Variants in PSD2 observed in about 807,000 individuals in gnomAD.
The protein encoded by PSD2 is PH and SEC7 domain-containing protein 2.
In PSD2, 38 loss-of-function variants were observed where a neutral mutation model predicts 69.8. The ratio of observed to expected loss-of-function variants is 0.54; its 90% confidence interval spans 0.42 to 0.71. The LOEUF is 0.71. Among genes scored for constraint, PSD2 ranks in the 30% least tolerant of loss-of-function variants. The pLI, the probability that PSD2 is intolerant of heterozygous loss-of-function variation, is 0.00. For synonymous variants in PSD2, 412 were observed against 423.0 expected, an observed-to-expected ratio of 0.97 and a Z score of 0.32; for missense variants, 943 against 1,014.5, an observed-to-expected ratio of 0.93 and a Z score of 0.96.
At chr5:139,792,809 TTTCCTTCCTTCCCTTCC>T (rs1306119736), upstream of PSD2, among the ~76,000 whole-genome samples, 1 of 150,104 alleles carries the variant, frequency 6.7e-6, no homozygotes, top group African/African-American at 2.5e-5. Flanking sequence ...CTCTCTCTCT[TTTCCTTCCTTCCCTTCC>T]TTCCTTCCTT....
the PSD2 span, among the ~76,000 whole-genome samples, chr5:139,758,762 A>G: frequency 1.6e-4 from 25 of 152,244 alleles, no homozygotes; most frequent in Non-Finnish European, 3.1e-4. Context: ...CAGGGATTCC[A>G]TGCTTCCTCC....
intron 14 of PSD2, among the ~76,000 whole-genome samples, chr5:139,840,987 TCCA>T (rs961181214): frequency 2.2e-4 from 33 of 152,340 alleles, no homozygotes; most frequent in African/African-American, 7.0e-4. Flanking sequence ...GTAACCAATC[TCCA>T]CAATTCTTTC....
intron 1 of PSD2, among the ~76,000 whole-genome samples, chr5:139,801,658 C>T (rs1420251204): frequency 8.5e-5 from 13 of 152,122 alleles, no homozygotes; most frequent in Non-Finnish European, 1.2e-4. Context: ...CTATGTACTG[C>T]CAGCCCCCAA....
rs757482373 is a variant in PSD2, at chr5:139,814,161, C to T, written c.822-9C>T. On this transcript the variant is annotated splice_polypyrimidine_tract_variant and intron_variant, in intron 3 of 14. Transcript: ENST00000274710. This position sits in a 1 kb window ranked among gnomAD's most constrained non-coding sequence, Gnocchi z 4.4. ...TGACGCTACTCTTCCACCCACCTTC[C>T]ATCTGCAGTGACCCCAGCCTGAAGG... The T allele has an allele frequency of 6.2e-7, 1 of 1,611,600 alleles. No individual in the cohort carries two copies. The highest frequency in any genetic ancestry group is 8.5e-7 in the Non-Finnish European group (1 of 1,179,008).
In PSD2 at chr5:139,814,102, C is replaced by T; in HGVS notation, c.822-68C>T. 6.6e-7 allele frequency: 1 copy of T among 1,524,556 alleles called. No homozygotes were observed. The highest frequency in any genetic ancestry group is 1.2e-5 in the South Asian group (1 of 84,374). The allele number at this position is 1,524,556 out of a possible 1,614,324, so 94.4% of individuals were successfully genotyped here. On this transcript the variant is annotated intron_variant, in intron 3 of 14. Transcript: ENST00000274710. The surrounding 1 kb of genome is among the most constrained non-coding windows in gnomAD (Gnocchi z 4.4). ...GTTTGCAGTGGCCTGGGGAAACCTC[C>T]CAGCCTCCTCTGGGGCCTTTGACCC...
intron 7 of PSD2, among the ~76,000 whole-genome samples, chr5:139,830,620 T>TTC (rs1191417005): frequency 0.022 from 1,905 of 85,346 alleles, 81 homozygotes; most frequent in African/African-American, 0.095. Flanking sequence ...CTTTCTTTCT[T>TTC]TCTTTCTCTT....
intron 4 of PSD2, among the ~76,000 whole-genome samples, chr5:139,815,995 T>TAA (rs768724760): frequency 0.22 from 19,986 of 91,842 alleles, 1,957 homozygotes; most frequent in South Asian, 0.24. Context: ...CTCCATATAT[T>TAA]AAAAAAAAAA....
At chr5:139,822,486 G>A (rs1022140738) in intron 6 of PSD2, among the ~76,000 whole-genome samples, 1 of 152,226 alleles carries the variant, frequency 6.6e-6, no homozygotes, top group African/African-American at 2.4e-5. Flanking sequence ...TTTGGCCACA[G>A]GAGGCAGGAG....
intron 7 of PSD2, among the ~76,000 whole-genome samples, chr5:139,828,744 G>A (rs1760495234): frequency 6.6e-6 from 1 of 152,176 alleles, no homozygotes; most frequent in Non-Finnish European, 1.5e-5. Flanking sequence ...TCAGACTTGT[G>A]GGAAAAGGCC....
intron 12 of PSD2, 105 bp from the exon 13 acceptor site, chr5:139,838,523 C>G: frequency 1.6e-6 from 2 of 1,263,252 alleles, no homozygotes; most frequent in East Asian, 4.7e-5. Context: ...TCTAGAGGTA[C>G]TGGTGCCTTC....
chr5:139,835,407 G>C (rs1010516418), intron 8 of PSD2, among the ~76,000 whole-genome samples: 1 of 152,024 alleles, frequency 6.6e-6, no homozygotes, highest in Non-Finnish European at 1.5e-5. Context: ...TTACCCTGTC[G>C]AGCACTTGCT....
chr5:139,766,924 CCTTCCCTT>C, the PSD2 span, among the ~76,000 whole-genome samples: 1,852 of 33,094 alleles, frequency 0.056, 143 homozygotes, highest in South Asian at 0.09. Context: ...TTCCTTCCTT[CCTTCCCTT>C]CTTTCTTTCT....
At chr5:139,801,969 G>C (rs1272649529) in intron 1 of PSD2, among the ~76,000 whole-genome samples, 1 of 152,218 alleles carries the variant, frequency 6.6e-6, no homozygotes, top group Non-Finnish European at 1.5e-5. Context: ...ATGGGCAAGA[G>C]AGGAGGTGAC....
At chr5:139,752,849 C>T in the PSD2 span, among the ~76,000 whole-genome samples, 7 of 152,202 alleles carry the variant, frequency 4.6e-5, no homozygotes, top group Non-Finnish European at 7.3e-5. Flanking sequence ...CTAATTGAGT[C>T]GAGGGTGATT....
chr5:139,813,499 G>A lies in PSD2; in HGVS notation c.562G>A (p.Ala188Thr), dbSNP rs1413272860. The A allele has an allele frequency of 1.2e-6, 2 of 1,612,870 alleles. No homozygotes were observed. Among genetic ancestry groups the A allele is most frequent in the African/African-American group, 1.3e-5 (1 of 74,934 alleles). The change falls in exon 3 of 15, where the codon GCC (alanine) becomes ACC (threonine). Residue 188 changes from alanine to threonine, a missense_variant. Around this residue, in one of 3 missense-constraint regions of PSD2, gnomAD observed 466 missense variants for 445.0 expected, o/e 1.05. Coordinates refer to ENST00000274710, the MANE Select transcript of PSD2 (RefSeq NM_032289.4). ...APLTPLIQQR[A>T]RDSPEPGAGL... is the part of the protein sequence containing the mutation. Reference sequence around the variant, plus strand: ...CCTCACACCCCTCATCCAGCAGCGGGCCCGTGACAGCCCTGAGCCAGGGGC... The same window carrying A: ...CCTCACACCCCTCATCCAGCAGCGGACCCGTGACAGCCCTGAGCCAGGGGC...
the PSD2 span, among the ~76,000 whole-genome samples, chr5:139,756,868 G>A: frequency 6.6e-6 from 1 of 152,222 alleles, no homozygotes. Flanking sequence ...ACAAGGGATA[G>A]TGAGGTGATG....
Position 139,840,098 on chromosome 5 carries a change from C to A in PSD2, c.2040C>A (p.His680Gln), listed in dbSNP as rs1480529019. Residue 680 changes from histidine to glutamine, a missense_variant, in exon 14 of 15, where the codon CAC (histidine) becomes CAA (glutamine). His to Gln is a conservative substitution (Grantham distance 24). Coordinates refer to ENST00000274710, the MANE Select transcript of PSD2 (RefSeq NM_032289.4). ...CGGAGCTGGCCGAACACAGGTGTCA[C>A]CCAGTCGAGAGGGGCATCAAGTCCA... ...LTAELAEHRC[H>Q]PVERGIKSKE... is the part of the protein sequence containing the mutation. 6.2e-7 allele frequency: 1 copy of A among 1,614,176 alleles called. No individual in the cohort carries two copies.
At chr5:139,825,579 G>A (rs1274512833) in intron 7 of PSD2, among the ~76,000 whole-genome samples, 1 of 152,010 alleles carries the variant, frequency 6.6e-6, no homozygotes, top group Non-Finnish European at 1.5e-5. Context: ...AGTCTAACAG[G>A]ACTTGCTGAT....
the PSD2 span, chr5:139,745,196 T>C: frequency 3.9e-5 from 6 of 152,280 alleles, no homozygotes; most frequent in Non-Finnish European, 8.8e-5. Context: ...TCATATACAC[T>C]GTCAGGCTCT....
Sources: allele counts gnomAD v4.1 joint callset (sites outside exome capture counted in the v4.1 genomes callset), GRCh38; gene constraint gnomAD v4.1.1; regional missense constraint gnomAD v4.1.1; non-coding constraint Gnocchi (gnomAD v3.1); transcripts MANE v1.5; gene names NCBI Gene and HGNC (gene_info 2026-07-23, HGNC 2026-07-21).